BTBD9: variants seen among roughly 807,000 people sequenced by gnomAD.
BTBD9 encodes the protein BTB/POZ domain-containing protein 9.
Under a neutral mutation model 64.3 loss-of-function variants are expected in BTBD9, and 49 were observed. The ratio of observed to expected loss-of-function variants is 0.76; its 90% CI spans 0.61 to 0.97. The LOEUF (loss-of-function observed/expected upper bound fraction) is 0.97, where lower values mean the gene tolerates loss of function less well. BTBD9 is among the 50% of genes least tolerant of loss of function. BTBD9 has a pLI of 0.00. For missense variants in BTBD9, 598 were observed against 762.1 expected (o/e 0.78, Z 2.53); for synonymous variants, 260 against 274.7 (o/e 0.95, Z 0.53).
At chr6:38,438,224 G>A (rs9380751) in intron 6 of BTBD9, among the ~76,000 whole-genome samples, 1 of 56,168 alleles carries the variant, frequency 1.8e-5, no homozygotes, top group Non-Finnish European at 3.5e-5. Flanking sequence ...GGGAGGGAGG[G>A]AGGGAGGGAG....
chr6:38,270,047 T>G (rs1238352426), intron 8 of BTBD9, among the ~76,000 whole-genome samples: 2 of 152,136 alleles, frequency 1.3e-5, no homozygotes, highest in Non-Finnish European at 2.9e-5. Context: ...AATAAATCAC[T>G]CCTATCTAGC....
chr6:38,228,983 G>A (rs184991764), intron 9 of BTBD9, among the ~76,000 whole-genome samples: 307 of 152,310 alleles, frequency 2.0e-3, no homozygotes, highest in Non-Finnish European at 2.7e-3. Context: ...CGGATCATGA[G>A]GTCAGGAGTT....
chr6:38,428,911 G>A (rs964108932), intron 6 of BTBD9, among the ~76,000 whole-genome samples: 5 of 151,104 alleles, frequency 3.3e-5, no homozygotes, highest in African/African-American at 4.9e-5. Flanking sequence ...GGGTTTCACC[G>A]TGTTAGCCAG....
At chr6:38,587,492 CAAT>C in intron 4 of BTBD9, 1 of 549,722 alleles carries the variant, frequency 1.8e-6, no homozygotes, top group Non-Finnish European at 3.5e-6. Context: ...GTTGAAGTAA[CAAT>C]AAAGTATAAA....
intron 4 of BTBD9, among the ~76,000 whole-genome samples, chr6:38,586,522 T>C (rs1776534643): frequency 6.6e-6 from 1 of 152,098 alleles, no homozygotes; most frequent in Non-Finnish European, 1.5e-5. Context: ...GAAAAAGCAT[T>C]AGTCTCTATA....
At chr6:38,595,422 C>T (rs1776991373) in intron 2 of BTBD9, among the ~76,000 whole-genome samples, 1 of 152,050 alleles carries the variant, frequency 6.6e-6, no homozygotes, top group Non-Finnish European at 1.5e-5. Context: ...ACTAGACAAT[C>T]CAGTTAGGTA....
chr6:38,189,758 C>T (rs1282776192), intron 10 of BTBD9, among the ~76,000 whole-genome samples: 3 of 152,094 alleles, frequency 2.0e-5, no homozygotes, highest in East Asian at 1.9e-4. Flanking sequence ...ACTGCAACCT[C>T]GGCCTCCTGG....
intron 6 of BTBD9, among the ~76,000 whole-genome samples, chr6:38,490,152 A>G (rs1283183591): frequency 6.6e-6 from 1 of 152,192 alleles, no homozygotes; most frequent in Non-Finnish European, 1.5e-5. Flanking sequence ...AATGTGGAGT[A>G]GAAACGCTAC....
At chr6:38,213,289 ACT>A (rs1762897154) in intron 9 of BTBD9, among the ~76,000 whole-genome samples, 1 of 151,544 alleles carries the variant, frequency 6.6e-6, no homozygotes. Flanking sequence ...TTAAAAATAG[ACT>A]CTCCCTCTCC....
chr6:38,616,920 G>A (rs1047177830), intron 1 of BTBD9, among the ~76,000 whole-genome samples: 1 of 152,168 alleles, frequency 6.6e-6, no homozygotes, highest in African/African-American at 2.4e-5. Context: ...GTGAGACCAG[G>A]AACCCACCAG....
intron 4 of BTBD9, 137 bp downstream of exon 4, chr6:38,592,439 T>G (rs2180106): frequency 0.23 from 212,491 of 922,166 alleles, 26,701 homozygotes; most frequent in Middle Eastern, 0.28. Context: ...GGAAAGACAT[T>G]CCATAGGCTA....
At chr6:38,272,042 C>T (rs1765215156) in intron 8 of BTBD9, among the ~76,000 whole-genome samples, 1 of 152,024 alleles carries the variant, frequency 6.6e-6, no homozygotes, top group Non-Finnish European at 1.5e-5. Context: ...CATTCCCAAA[C>T]CCTCGTTACT....
chr6:38,550,098 A>G (rs1398746891), intron 6 of BTBD9, among the ~76,000 whole-genome samples: 1 of 152,072 alleles, frequency 6.6e-6, no homozygotes, highest in East Asian at 1.9e-4. Flanking sequence ...TCCAGCGCAG[A>G]CTTCTCCCTT....
chr6:38,325,704 A>AAAAC (rs1320963218), intron 7 of BTBD9, among the ~76,000 whole-genome samples: 1 of 152,210 alleles, frequency 6.6e-6, no homozygotes, highest in East Asian at 1.9e-4. Context: ...AAAACAAAAC[A>AAAAC]AAACAAACAA....
chr6:38,512,588 G>T (rs994529329), intron 6 of BTBD9, among the ~76,000 whole-genome samples: 1 of 152,148 alleles, frequency 6.6e-6, no homozygotes. Flanking sequence ...CCACAATAAG[G>T]AGGACTGTGT....
At chr6:38,254,752 A>G (rs1464133772) in intron 9 of BTBD9, among the ~76,000 whole-genome samples, 2 of 152,208 alleles carry the variant, frequency 1.3e-5, no homozygotes, top group East Asian at 3.8e-4. Context: ...GGTCAAAAAG[A>G]TGGGCAATAG....
chr6:38,240,250 T>C (rs1422714659), intron 9 of BTBD9, among the ~76,000 whole-genome samples: 1 of 152,338 alleles, frequency 6.6e-6, no homozygotes, highest in South Asian at 2.1e-4. Context: ...CAGAGAAGAT[T>C]TGGTCTAACT....
chr6:38,185,204 G>A (rs759814903), intron 10 of BTBD9, among the ~76,000 whole-genome samples: 5 of 152,164 alleles, frequency 3.3e-5, no homozygotes, highest in Non-Finnish European at 5.9e-5. Flanking sequence ...TTCATTCACT[G>A]ATGTCTCTAC....
At chr6:38,370,806 T>C (rs892139258) in intron 6 of BTBD9, among the ~76,000 whole-genome samples, 5 of 152,272 alleles carry the variant, frequency 3.3e-5, no homozygotes, top group African/African-American at 7.2e-5. Context: ...TACTGAAATT[T>C]GCCCTTAACA....
Sources: allele counts gnomAD v4.1 joint callset (sites outside exome capture counted in the v4.1 genomes callset), GRCh38; gene constraint gnomAD v4.1.1; transcripts MANE v1.5; gene names NCBI Gene and HGNC (gene_info 2026-07-23, HGNC 2026-07-21).